The following TRAK2 variants were observed in gnomAD, a reference collection of about 807,000 sequenced individuals.
TRAK2 encodes the protein trafficking kinesin-binding protein 2.
A neutral mutation model predicts 104.6 loss-of-function variants in TRAK2; 81 were observed. That is an observed-to-expected ratio of 0.77 (90% CI 0.65 to 0.93). The LOEUF is 0.93. Ranked by LOEUF, TRAK2 falls within the 40% of genes least tolerant of loss-of-function variation. TRAK2 has a pLI of 0.00. For missense variants in TRAK2, 1,002 were observed against 1,089.0 expected (o/e 0.92, Z 1.12); for synonymous variants, 406 against 394.4 (o/e 1.03, Z -0.35).
chr2:201,439,199 A>ACATG (rs1951900699), intron 1 of TRAK2, among the ~76,000 whole-genome samples: 1 of 152,172 alleles, frequency 6.6e-6, no homozygotes, highest in Admixed American at 6.5e-5. Flanking sequence ...GACTGTTAGA[A>ACATG]CATGTGGAAA....
At chr2:201,438,949 C>T (rs1383131429) in intron 1 of TRAK2, among the ~76,000 whole-genome samples, 5 of 152,156 alleles carry the variant, frequency 3.3e-5, no homozygotes, top group Non-Finnish European at 7.4e-5. Context: ...GAAAATAATA[C>T]AGATGTATTA....
At chr2:201,398,432 C>A in intron 5 of TRAK2, 78 bp from the exon 6 acceptor site, 1 of 1,299,232 alleles carries the variant, frequency 7.7e-7, no homozygotes, top group Admixed American at 2.2e-5. Flanking sequence ...ATTCATGGAA[C>A]AATTATTTTT....
intron 10 of TRAK2, among the ~76,000 whole-genome samples, chr2:201,392,111 T>G (rs148084934): frequency 1.3e-5 from 2 of 152,258 alleles, no homozygotes; most frequent in Non-Finnish European, 2.9e-5. Context: ...ATCAGCAACT[T>G]ACTGTTAAAA....
In TRAK2 at chr2:201,447,154, T is replaced by C. The variant is rs1343463558; in HGVS notation, c.-200+4196A>G. On this transcript the variant is annotated intron_variant, in intron 1 of 15. Coordinates refer to ENST00000332624, the MANE Select transcript of TRAK2 (RefSeq NM_015049.3). This position sits in a 1 kb window ranked among gnomAD's most constrained non-coding sequence, Gnocchi z 4.1. Reference sequence around the variant, plus strand: ...TTTCTAAAATGCAAATCTAATGCTTTTCCACTGCTACAAACCACCTCCATC... The same window carrying C: ...TTTCTAAAATGCAAATCTAATGCTTCTCCACTGCTACAAACCACCTCCATC... 6.6e-6 allele frequency among the ~76,000 whole-genome samples: 1 copy of C among 152,232 alleles called. No individual in the cohort carries two copies. The highest frequency in any genetic ancestry group is 2.4e-5 in the African/African-American group (1 of 41,458).
At chr2:201,404,899 TGCTACGATATA>T (rs942268364) in intron 3 of TRAK2, among the ~76,000 whole-genome samples, 61 of 152,354 alleles carry the variant, frequency 4.0e-4, no homozygotes, top group African/African-American at 1.4e-3. Flanking sequence ...CAGCCCTTGC[TGCTACGATATA>T]GCAAACATTT....
intron 3 of TRAK2, among the ~76,000 whole-genome samples, chr2:201,402,210 T>A (rs1312684906): frequency 6.6e-6 from 1 of 152,110 alleles, no homozygotes; most frequent in Non-Finnish European, 1.5e-5. Flanking sequence ...ATGAAATGAT[T>A]CTGACTTTAA....
chr2:201,403,247 C>T (rs1364041091), intron 3 of TRAK2, among the ~76,000 whole-genome samples: 1 of 152,138 alleles, frequency 6.6e-6, no homozygotes, highest in Non-Finnish European at 1.5e-5. Context: ...AAATTTAAAG[C>T]TGAACCTTAA....
At chr2:201,425,837 C>T (rs1296440067) in intron 1 of TRAK2, among the ~76,000 whole-genome samples, 1 of 152,142 alleles carries the variant, frequency 6.6e-6, no homozygotes, top group Non-Finnish European at 1.5e-5. Flanking sequence ...CTGGTCCACA[C>T]TGATTCTCAA....
rs138992536 is a variant in TRAK2 at position 201,445,124 on chromosome 2, C to T, written c.-200+6226G>A. ...TGCTATACCACCAGCAGACTTTGTA[C>T]GCTCATTTTCTAGCATGAATAAACC... On this transcript the variant is annotated intron_variant, in intron 1 of 15. Transcript: ENST00000332624. Among the ~76,000 whole-genome samples the T allele has an allele frequency of 7.9e-5, 12 of 152,222 alleles. 1 individual carries two copies. The East Asian group carries it at 9.6e-4, about 12-fold the overall frequency.
At chr2:201,382,038 T>C (rs541390506) in intron 15 of TRAK2, among the ~76,000 whole-genome samples, 75 of 152,310 alleles carry the variant, frequency 4.9e-4, no homozygotes, top group African/African-American at 1.8e-3. Flanking sequence ...TTTGGCTAAC[T>C]CCGGGTATAT....
chr2:201,394,685 T>C, intron 9 of TRAK2, 113 bp downstream of exon 9: 1 of 911,548 alleles, frequency 1.1e-6, no homozygotes, highest in East Asian at 2.6e-5. Flanking sequence ...CTTAACCTTT[T>C]GTTGTTGTTT....
chr2:201,410,702 C>T (rs1951638163), intron 2 of TRAK2: 2 of 1,379,058 alleles, frequency 1.5e-6, no homozygotes, highest in East Asian at 2.3e-5. Context: ...ACTGAACTGC[C>T]CGTAGCTGGA....
At chr2:201,451,259 G>C (rs1254056824) in intron 1 of TRAK2, 91 bp downstream of exon 1, 1 of 152,364 alleles carries the variant, frequency 6.6e-6, no homozygotes, top group Non-Finnish European at 1.5e-5. Context: ...TGACCTCCGG[G>C]TACCGGAGGA....
chr2:201,378,083 T>A lies in TRAK2; in HGVS notation c.*2460A>T, dbSNP rs1559433721. 1 of 152,174 alleles carries A rather than the reference T, an allele frequency of 6.6e-6. No homozygotes were observed. Among genetic ancestry groups the A allele is most frequent in the African/African-American group, 2.4e-5 (1 of 41,440 alleles). 9.4% of individuals were successfully genotyped at this position (152,174 alleles called of 1,614,324 possible). On this transcript the variant is annotated 3_prime_UTR_variant, in exon 16 of 16. Transcript: ENST00000332624. ...TTATCAGGATATACCAAAAATGATT[T>A]TAGGTAGAAACTTCAAAAAACAGCA...
intron 1 of TRAK2, among the ~76,000 whole-genome samples, chr2:201,423,898 T>G (rs1237594765): frequency 5.3e-5 from 8 of 152,220 alleles, no homozygotes. Context: ...AACTATTTTC[T>G]TGAAATATGT....
chr2:201,393,355 A>G (rs1250893435), intron 9 of TRAK2, among the ~76,000 whole-genome samples: 1 of 152,192 alleles, frequency 6.6e-6, no homozygotes, highest in Non-Finnish European at 1.5e-5. Flanking sequence ...TAACAGAGGA[A>G]GTATAACAGC....
intron 2 of TRAK2, chr2:201,411,051 G>C: frequency 8.0e-7 from 1 of 1,251,544 alleles, no homozygotes; most frequent in Non-Finnish European, 1.2e-6. Context: ...ATTATCAACT[G>C]GTGTAGAAAA....
At chr2:201,387,184 A>G (rs1951399126) in intron 13 of TRAK2, among the ~76,000 whole-genome samples, 2 of 152,216 alleles carry the variant, frequency 1.3e-5, no homozygotes, top group Admixed American at 1.3e-4. Context: ...TCATTCAATG[A>G]TTGTCATTGT....
At chr2:201,412,658 C>T (rs907794873) in intron 2 of TRAK2, 29 of 1,561,258 alleles carry the variant, frequency 1.9e-5, no homozygotes, top group Non-Finnish European at 2.3e-5. Context: ...AAATTTGGGT[C>T]CCATTCTTTA....
Sources: allele counts gnomAD v4.1 joint callset (sites outside exome capture counted in the v4.1 genomes callset), GRCh38; gene constraint gnomAD v4.1.1; non-coding constraint Gnocchi (gnomAD v3.1); transcripts MANE v1.5; gene names NCBI Gene and HGNC (gene_info 2026-07-23, HGNC 2026-07-21).